NOL4L: variants seen among roughly 807,000 people sequenced by gnomAD.
NOL4L encodes the protein nucleolar protein 4 like.
NOL4L carries 7 observed loss-of-function variants against 64.5 expected under a neutral mutation model. The observed-to-expected ratio is 0.11, with a 90% CI of 0.06 to 0.20. The LOEUF is 0.20. NOL4L is among the 10% of genes least tolerant of loss of function. The pLI is 1.00. For missense variants in NOL4L, 680 were observed against 967.1 expected (o/e 0.70, Z 3.94); for synonymous variants, 413 against 401.0 (o/e 1.03, Z -0.36).
Position 32,445,315 on chromosome 20 carries a change from G to A in NOL4L, c.*2281C>T, listed in dbSNP as rs1248915344. 1.3e-5 allele frequency: 2 copies of A among 152,154 alleles called. No homozygotes were observed. Among genetic ancestry groups the A allele is most frequent in the African/African-American group, 4.8e-5 (2 of 41,406 alleles). The allele number at this position is 152,154 out of a possible 1,614,324, so 9.4% of individuals were successfully genotyped here. A position where few individuals can be genotyped will look rare whatever the true frequency, so the allele number is the denominator to read the frequency against. On this transcript the variant is annotated 3_prime_UTR_variant, in exon 11 of 11. Transcript: ENST00000621426. Reference sequence around the variant, plus strand: ...ATCCTTGTGTGGGTAGGGGGAGGGAGCCCCTTCCCCAGTCTTTCTCACTCC... The same window carrying A: ...ATCCTTGTGTGGGTAGGGGGAGGGAACCCCTTCCCCAGTCTTTCTCACTCC...
chr20:32,495,906 G>C (rs1015367607), intron 4 of NOL4L, among the ~76,000 whole-genome samples: 5 of 152,158 alleles, frequency 3.3e-5, no homozygotes, highest in Admixed American at 6.5e-5. Flanking sequence ...GCAGTGAGCT[G>C]TGATCATATC....
intron 1 of NOL4L, among the ~76,000 whole-genome samples, chr20:32,579,841 A>G (rs1980354135): frequency 6.6e-6 from 1 of 152,078 alleles, no homozygotes; most frequent in African/African-American, 2.4e-5. Flanking sequence ...TGTGCCAGGC[A>G]TCACTGTCAA....
chr20:32,528,563 A>C (rs1289541858), intron 1 of NOL4L, among the ~76,000 whole-genome samples: 1 of 152,212 alleles, frequency 6.6e-6, no homozygotes, highest in African/African-American at 2.4e-5. Context: ...CGAGCCTCTT[A>C]TCAGGCTGGC....
intron 4 of NOL4L, among the ~76,000 whole-genome samples, chr20:32,496,993 C>T (rs548343887): frequency 6.7e-6 from 1 of 149,604 alleles, no homozygotes; most frequent in African/African-American, 2.5e-5. Context: ...CACACCCAGT[C>T]ACCCCGAGCA....
At chr20:32,509,996 T>C in intron 4 of NOL4L, 14 of 1,232,778 alleles carry the variant, frequency 1.1e-5, no homozygotes, top group Non-Finnish European at 1.5e-5. Flanking sequence ...GGAGACCTAA[T>C]GCAGAGGCTG....
At chr20:32,554,269 C>T (rs1350223873) in intron 1 of NOL4L, among the ~76,000 whole-genome samples, 5 of 142,982 alleles carry the variant, frequency 3.5e-5, no homozygotes, top group African/African-American at 1.4e-4. Context: ...TGCAGTGAGC[C>T]GAGATCGCGC....
At chr20:32,461,416 CTTTTCTTT>C (rs1423586517) in intron 5 of NOL4L, among the ~76,000 whole-genome samples, 2 of 61,158 alleles carry the variant, frequency 3.3e-5, no homozygotes, top group African/African-American at 5.1e-5. Context: ...CTCTACCTTT[CTTTTCTTT>C]TTTTTTTTTT....
chr20:32,480,266 A>T (rs926300320), intron 4 of NOL4L, among the ~76,000 whole-genome samples: 9 of 152,300 alleles, frequency 5.9e-5, no homozygotes, highest in Middle Eastern at 3.4e-3. Flanking sequence ...TTGCTTGAGA[A>T]AGAAAAGGAG....
intron 1 of NOL4L, among the ~76,000 whole-genome samples, chr20:32,567,121 A>G (rs1442683218): frequency 6.6e-6 from 1 of 152,180 alleles, no homozygotes; most frequent in Non-Finnish European, 1.5e-5. Flanking sequence ...TCAGGGGTGC[A>G]GGAGCCTGGG....
Position 32,490,144 on chromosome 20 carries a change from A to AAT in NOL4L, c.700-15404_700-15403dup, listed in dbSNP as rs1555797123. 6.5e-5 allele frequency among the ~76,000 whole-genome samples: 8 copies of AAT among 122,208 alleles called. 1 individual carries two copies. The highest frequency in any genetic ancestry group is 1.9e-4 in the African/African-American group (6 of 31,458). 80.2% of individuals were successfully genotyped at this position (122,208 alleles called of 152,430 possible). A position where few individuals can be genotyped will look rare whatever the true frequency, so the allele number is the denominator to read the frequency against. ...ACTCCATCTCAAAAAAAAAAAAAAA[A>AAT]ATATATATACACATATATATATGTA... On this transcript the variant is annotated intron_variant, in intron 4 of 10. Transcript: ENST00000621426.
chr20:32,555,965 C>T (rs956973723), intron 1 of NOL4L, among the ~76,000 whole-genome samples: 2 of 152,052 alleles, frequency 1.3e-5, no homozygotes, highest in Non-Finnish European at 2.9e-5. Flanking sequence ...TCCTTCACGG[C>T]GCCTCTCATG....
chr20:32,496,874 T>C (rs1248525635), intron 4 of NOL4L, among the ~76,000 whole-genome samples: 3 of 151,876 alleles, frequency 2.0e-5, no homozygotes, highest in African/African-American at 7.3e-5. Flanking sequence ...TAAAACTACA[T>C]AATGCTGTGT....
Position 32,536,894 on chromosome 20 carries a change from G to A in NOL4L, c.322-8981C>T, listed in dbSNP as rs974134195. On this transcript the variant is annotated intron_variant, in intron 1 of 10. Coordinates refer to ENST00000621426, the MANE Select transcript of NOL4L (RefSeq NM_001256798.2). Reference sequence around the variant, plus strand: ...ACGCTCGGCTGCGGCGGGCCAGGGCGGCTGGCCTCCCCCTGTCTCCAGCCT... The same window carrying A: ...ACGCTCGGCTGCGGCGGGCCAGGGCAGCTGGCCTCCCCCTGTCTCCAGCCT... Among the ~76,000 whole-genome samples, 818 of 148,642 alleles carry A rather than the reference G, an allele frequency of 5.5e-3. 11 individuals carry two copies. Among genetic ancestry groups the A allele is most frequent in the African/African-American group, 0.019 (760 of 40,628 alleles).
At chr20:32,478,750 CCTGG>C (rs1229412596) in intron 4 of NOL4L, among the ~76,000 whole-genome samples, 1 of 152,160 alleles carries the variant, frequency 6.6e-6, no homozygotes, top group Admixed American at 6.5e-5. Context: ...TACCACCACG[CCTGG>C]CTAACTTTTA....
intron 1 of NOL4L, among the ~76,000 whole-genome samples, chr20:32,570,169 CCA>C (rs775085454): frequency 8.5e-5 from 13 of 152,056 alleles, no homozygotes; most frequent in Admixed American, 7.2e-4. Context: ...GGCAGCACAG[CCA>C]GGATTCGAAC....
chr20:32,448,720 G>A (rs540264570), intron 10 of NOL4L, among the ~76,000 whole-genome samples: 17 of 152,318 alleles, frequency 1.1e-4, no homozygotes, highest in African/African-American at 3.8e-4. Flanking sequence ...ATGGCAAAGA[G>A]GGAGCCTGCC....
At chr20:32,574,766 G>C (rs4911243) in intron 1 of NOL4L, among the ~76,000 whole-genome samples, 1 of 151,768 alleles carries the variant, frequency 6.6e-6, no homozygotes, top group African/African-American at 2.4e-5. Context: ...GATGACTCCC[G>C]CGCTGGCCCC....
intron 5 of NOL4L, 34 bp from the exon 6 acceptor site, chr20:32,456,429 C>G: frequency 1.4e-6 from 2 of 1,436,530 alleles, no homozygotes; most frequent in South Asian, 1.6e-5. Flanking sequence ...AGGCCCCACC[C>G]AAGGCACTGT....
chr20:32,547,087 CA>C, intron 1 of NOL4L, among the ~76,000 whole-genome samples: 1 of 152,304 alleles, frequency 6.6e-6, no homozygotes. Flanking sequence ...AAACATTTAC[CA>C]TGTGCTTACT....
Sources: gnomAD v4.1 joint callset for allele counts (sites outside exome capture counted in the v4.1 genomes callset) on GRCh38, gnomAD v4.1.1 for gene constraint, MANE v1.5 for transcripts, NCBI Gene and HGNC (gene_info 2026-07-23, HGNC 2026-07-21) for gene names.